SLC71A2: variants seen among roughly 807,000 people sequenced by gnomAD.
SLC71A2 encodes the protein solute carrier family 71 member 2.
the SLC71A2 span, among the ~76,000 whole-genome samples, chr9:94,434,588 T>G: frequency 2.0e-5 from 3 of 152,322 alleles, no homozygotes; most frequent in African/African-American, 7.2e-5. Context: ...GTGCTGGGAT[T>G]ACAGGCGTGA....
chr9:94,400,953 C>G, the SLC71A2 span, among the ~76,000 whole-genome samples: 6 of 151,406 alleles, frequency 4.0e-5, no homozygotes, highest in African/African-American at 1.2e-4. Context: ...TAAATGGTAT[C>G]TTACACTTTG....
chr9:94,452,638 TATATATATTC>T, the SLC71A2 span, among the ~76,000 whole-genome samples: 22,739 of 115,470 alleles, frequency 0.2, 2,548 homozygotes, highest in Non-Finnish European at 0.27. Flanking sequence ...TATATTTTCA[TATATATATTC>T]ATATATATTC....
At chr9:94,374,992 G>T in the SLC71A2 span, 3 of 1,111,474 alleles carry the variant, frequency 2.7e-6, no homozygotes, top group Non-Finnish European at 3.4e-6. Flanking sequence ...CGCACCCAGG[G>T]CCCGCGAGCC....
At chr9:94,410,656 A>C in the SLC71A2 span, among the ~76,000 whole-genome samples, 1 of 152,226 alleles carries the variant, frequency 6.6e-6, no homozygotes, top group Non-Finnish European at 1.5e-5. Flanking sequence ...AGTTCACAGA[A>C]AAAGAAACGC....
chr9:94,435,383 G>A, the SLC71A2 span, among the ~76,000 whole-genome samples: 1 of 152,082 alleles, frequency 6.6e-6, no homozygotes. Context: ...CTTGTTCCTT[G>A]CTAAAGCCAG....
the SLC71A2 span, chr9:94,460,437 C>T: frequency 6.6e-6 from 1 of 152,598 alleles, no homozygotes; most frequent in African/African-American, 2.4e-5. Context: ...ATCTGTTTAA[C>T]TTTTGAATCG....
chr9:94,438,255 T>C, the SLC71A2 span: 16 of 1,153,016 alleles, frequency 1.4e-5, no homozygotes, highest in African/African-American at 2.5e-4. Flanking sequence ...ATTTTTTTAG[T>C]TGTAGTTTGT....
At chr9:94,413,654 C>T in the SLC71A2 span, among the ~76,000 whole-genome samples, 1 of 42,780 alleles carries the variant, frequency 2.3e-5, no homozygotes, top group African/African-American at 7.3e-5. Flanking sequence ...AGCGAGACTT[C>T]ATCTCAAAAA....
At chr9:94,383,634 G>A in the SLC71A2 span, among the ~76,000 whole-genome samples, 1 of 152,180 alleles carries the variant, frequency 6.6e-6, no homozygotes, top group Non-Finnish European at 1.5e-5. Flanking sequence ...TTTTAAAGTC[G>A]TTTTAGTGAT....
At chr9:94,433,135 T>G in the SLC71A2 span, 1 of 190,526 alleles carries the variant, frequency 5.2e-6, no homozygotes, top group Non-Finnish European at 1.0e-5. Flanking sequence ...GCAGGGCCAC[T>G]GAGCAGCTTG....
the SLC71A2 span, among the ~76,000 whole-genome samples, chr9:94,447,491 T>G: frequency 2.3e-4 from 35 of 151,852 alleles, no homozygotes; most frequent in Admixed American, 6.5e-4. Flanking sequence ...GTTTTTTTTT[T>G]TTTTTTTTTT....
the SLC71A2 span, among the ~76,000 whole-genome samples, chr9:94,415,716 A>G: frequency 1.3e-5 from 2 of 152,000 alleles, no homozygotes; most frequent in Non-Finnish European, 2.9e-5. Flanking sequence ...TAACATGCAC[A>G]GTTCAGAGTA....
the SLC71A2 span, among the ~76,000 whole-genome samples, chr9:94,444,431 G>C: frequency 6.6e-6 from 1 of 152,232 alleles, no homozygotes; most frequent in Non-Finnish European, 1.5e-5. Flanking sequence ...AAGAATAGCA[G>C]AGGGTTCCCC....
At chr9:94,384,475 G>A in the SLC71A2 span, among the ~76,000 whole-genome samples, 1 of 151,898 alleles carries the variant, frequency 6.6e-6, no homozygotes, top group African/African-American at 2.4e-5. Context: ...AAGTAGCTGA[G>A]AGTACAGGCG....
chr9:94,421,467 T>C, the SLC71A2 span, among the ~76,000 whole-genome samples: 2 of 152,222 alleles, frequency 1.3e-5, no homozygotes, highest in Non-Finnish European at 2.9e-5. Context: ...CTTTGTTGTC[T>C]GGCTTTTTTG....
chr9:94,459,599 T>A, the SLC71A2 span: 19 of 574,772 alleles, frequency 3.3e-5, no homozygotes, highest in African/African-American at 3.2e-4. Context: ...TACATTCTTT[T>A]TTTTTTTCCT....
the SLC71A2 span, among the ~76,000 whole-genome samples, chr9:94,448,094 T>TA: frequency 8.2e-6 from 1 of 121,410 alleles, no homozygotes; most frequent in Non-Finnish European, 1.7e-5. Context: ...AACATTCATG[T>TA]ACTGTAATGT....
At chr9:94,399,751 T>C in the SLC71A2 span, among the ~76,000 whole-genome samples, 1 of 152,160 alleles carries the variant, frequency 6.6e-6, no homozygotes, top group Non-Finnish European at 1.5e-5. Context: ...ATCTAGGTCT[T>C]GTTTCTCGCC....
the SLC71A2 span, chr9:94,438,597 C>T: frequency 6.3e-7 from 1 of 1,593,200 alleles, no homozygotes; most frequent in South Asian, 1.1e-5. Context: ...CTTATATTTG[C>T]AGAGCACTTC....
Sources: allele counts gnomAD v4.1 joint callset (sites outside exome capture counted in the v4.1 genomes callset), GRCh38; gene constraint gnomAD v4.1.1; transcripts MANE v1.5; gene names NCBI Gene and HGNC (gene_info 2026-07-23, HGNC 2026-07-21).